NUDCD1: variants seen among roughly 807,000 people sequenced by gnomAD.
NUDCD1 encodes NudC domain containing 1.
A neutral mutation model predicts 67.8 loss-of-function variants in NUDCD1; 60 were observed. The ratio of observed to expected loss-of-function variants is 0.88; its 90% CI spans 0.72 to 1.10. NUDCD1 has a LOEUF of 1.10. Ranked by LOEUF, NUDCD1 falls within the 50% of genes least tolerant of loss-of-function variation. The pLI, the probability that NUDCD1 is intolerant of heterozygous loss-of-function variation, is 0.00. For synonymous variants in NUDCD1, 244 were observed against 230.8 expected (o/e 1.06, Z -0.52); for missense variants, 643 against 695.0 (o/e 0.93, Z 0.84).
intron 7 of NUDCD1, among the ~76,000 whole-genome samples, chr8:109,272,988 C>G (rs1259968883): frequency 6.6e-6 from 1 of 152,128 alleles, no homozygotes; most frequent in Admixed American, 6.6e-5. Context: ...ATTATTCATA[C>G]TTTAGAAGCA....
intron 1 of NUDCD1, among the ~76,000 whole-genome samples, chr8:109,329,148 G>A (rs570331068): frequency 3.3e-5 from 5 of 151,784 alleles, no homozygotes; most frequent in South Asian, 4.2e-4. Context: ...AAAAGTAAAC[G>A]GAACTAAAGG....
At chr8:109,302,398 C>T (rs779687307) in intron 2 of NUDCD1, among the ~76,000 whole-genome samples, 6 of 152,102 alleles carry the variant, frequency 3.9e-5, no homozygotes, top group Non-Finnish European at 8.8e-5. Flanking sequence ...TCTCTGCTGT[C>T]TGTTCCTTCA....
intron 2 of NUDCD1, among the ~76,000 whole-genome samples, chr8:109,302,494 G>A (rs577720600): frequency 4.0e-5 from 6 of 151,790 alleles, no homozygotes; most frequent in South Asian, 4.2e-4. Context: ...GCTGTGCCTC[G>A]CCAGGCCAAG....
chr8:109,276,257 G>A (rs538395705), intron 6 of NUDCD1, among the ~76,000 whole-genome samples: 1 of 152,276 alleles, frequency 6.6e-6, no homozygotes, highest in South Asian at 2.1e-4. Context: ...ACGGACATAG[G>A]AGAAGAAGTA....
intron 7 of NUDCD1, among the ~76,000 whole-genome samples, chr8:109,274,898 A>AGTG (rs1814243025): frequency 6.6e-6 from 1 of 152,136 alleles, no homozygotes; most frequent in Non-Finnish European, 1.5e-5. Flanking sequence ...TGTCACTGTA[A>AGTG]TTATCACAAT....
intron 2 of NUDCD1, among the ~76,000 whole-genome samples, chr8:109,321,002 G>C (rs1815520671): frequency 6.6e-6 from 1 of 152,170 alleles, no homozygotes; most frequent in Admixed American, 6.5e-5. Flanking sequence ...GATCAAGGAG[G>C]CTTCACTAAA....
chr8:109,247,348 A>T (rs1813522234), intron 8 of NUDCD1, among the ~76,000 whole-genome samples: 1 of 152,208 alleles, frequency 6.6e-6, no homozygotes, highest in South Asian at 2.1e-4. Flanking sequence ...GAATGTATTG[A>T]ATATTATGAG....
At position 109,243,056 on chromosome 8, in the gene NUDCD1, G is replaced by A; in HGVS notation, c.1705C>T (p.Leu569Phe). Residue 569 changes from leucine to phenylalanine, a missense_variant, in exon 10 of 10, where the codon CTT (leucine) becomes TTT (phenylalanine). Leu to Phe is a conservative substitution (Grantham distance 22). Transcript: ENST00000239690. Reference protein sequence around the residue: ...FQATNERLFVLTTKNLFLIKV... With the variant: ...FQATNERLFVFTTKNLFLIKV... ...ATTAAAAAGAGGTTTTTGGTAGTAA[G>A]AACAAATAATCTCTCATTTGTTGCC... 1.2e-6 allele frequency: 2 copies of A among 1,602,878 alleles called. No individual in the cohort carries two copies. Among genetic ancestry groups the A allele is most frequent in the Non-Finnish European group, 8.5e-7 (1 of 1,170,026 alleles).
intron 2 of NUDCD1, among the ~76,000 whole-genome samples, chr8:109,311,893 C>T (rs533446618): frequency 7.2e-5 from 11 of 151,968 alleles, no homozygotes; most frequent in Non-Finnish European, 1.6e-4. Flanking sequence ...AAAGAACTTA[C>T]TCCTGTAACC....
At chr8:109,252,200 T>C (rs143088985) in intron 8 of NUDCD1, among the ~76,000 whole-genome samples, 57 of 152,242 alleles carry the variant, frequency 3.7e-4, no homozygotes, top group African/African-American at 1.4e-3. Context: ...AGGAAAAGCA[T>C]TCTCTACTGT....
At chr8:109,279,008 A>T (rs552284320) in intron 6 of NUDCD1, among the ~76,000 whole-genome samples, 23 of 152,094 alleles carry the variant, frequency 1.5e-4, no homozygotes, top group Non-Finnish European at 2.9e-4. Flanking sequence ...GCAAAACCCC[A>T]TCTCTACAAA....
At chr8:109,274,100 T>C (rs1814220999) in intron 7 of NUDCD1, among the ~76,000 whole-genome samples, 1 of 152,134 alleles carries the variant, frequency 6.6e-6, no homozygotes, top group South Asian at 2.1e-4. Context: ...TTCTTAATGA[T>C]AAAAGTCGAT....
At chr8:109,271,610 G>C (rs972920470) in intron 7 of NUDCD1, among the ~76,000 whole-genome samples, 1 of 152,162 alleles carries the variant, frequency 6.6e-6, no homozygotes, top group Admixed American at 6.6e-5. Context: ...TGGGTAACTG[G>C]AGGAGGGCAA....
At chr8:109,318,809 G>A (rs894906603) in intron 2 of NUDCD1, among the ~76,000 whole-genome samples, 8 of 152,050 alleles carry the variant, frequency 5.3e-5, no homozygotes, top group African/African-American at 1.9e-4. Flanking sequence ...CTATTCCAAA[G>A]CCAACTCCCA....
At chr8:109,311,812 T>C (rs897069775) in intron 2 of NUDCD1, among the ~76,000 whole-genome samples, 3 of 151,218 alleles carry the variant, frequency 2.0e-5, no homozygotes, top group African/African-American at 7.3e-5. Flanking sequence ...CAACTACAAA[T>C]AGGACTACAA....
At chr8:109,264,813 G>A (rs1813954963) in intron 8 of NUDCD1, among the ~76,000 whole-genome samples, 2 of 150,384 alleles carry the variant, frequency 1.3e-5, no homozygotes, top group African/African-American at 4.9e-5. Context: ...AGACATTAGA[G>A]AGATCTGCAA....
At chr8:109,244,855 G>T (rs1586244014) in intron 9 of NUDCD1, among the ~76,000 whole-genome samples, 1 of 152,004 alleles carries the variant, frequency 6.6e-6, no homozygotes, top group African/African-American at 2.4e-5. Context: ...CTTTCCATAA[G>T]TATTTTCATT....
intron 3 of NUDCD1, among the ~76,000 whole-genome samples, chr8:109,295,631 T>G (rs1347513014): frequency 6.6e-6 from 1 of 152,138 alleles, no homozygotes; most frequent in Non-Finnish European, 1.5e-5. Context: ...TCAGATGAAA[T>G]TATTTTATAA....
At chr8:109,249,072 G>A (rs1204618017) in intron 8 of NUDCD1, among the ~76,000 whole-genome samples, 2 of 151,938 alleles carry the variant, frequency 1.3e-5, no homozygotes, top group African/African-American at 2.4e-5. Context: ...GCTCTTTGAG[G>A]GTGATAGCTA....
Sources: gnomAD v4.1 joint callset for allele counts (sites outside exome capture counted in the v4.1 genomes callset) on GRCh38, gnomAD v4.1.1 for gene constraint, MANE v1.5 for transcripts, NCBI Gene and HGNC (gene_info 2026-07-23, HGNC 2026-07-21) for gene names.